Variants in SORCS1 observed in about 807,000 individuals in gnomAD.
SORCS1 encodes VPS10 domain-containing receptor SorCS1.
SORCS1 carries 60 observed loss-of-function variants against 146.1 expected under a neutral mutation model. The ratio of observed to expected loss-of-function variants is 0.41; its 90% CI spans 0.33 to 0.51. The LOEUF is 0.51. Among genes scored for constraint, SORCS1 ranks in the 20% least tolerant of loss-of-function variants. The pLI is 0.21. For synonymous variants in SORCS1, 637 were observed against 584.0 expected (o/e 1.09, Z -1.31); for missense variants, 1,352 against 1,487.6 (o/e 0.91, Z 1.50).
intron 2 of SORCS1, among the ~76,000 whole-genome samples, chr10:106,883,564 G>A (rs904120689): frequency 2.0e-5 from 3 of 151,972 alleles, no homozygotes; most frequent in Non-Finnish European, 4.4e-5. Flanking sequence ...ACAGGTGCCT[G>A]CCACCTGGCT....
chr10:106,793,099 C>CA (rs1946395186), intron 3 of SORCS1, among the ~76,000 whole-genome samples: 1 of 152,082 alleles, frequency 6.6e-6, no homozygotes, highest in African/African-American at 2.4e-5. Context: ...GATAACACCA[C>CA]AAAAATAACA....
intron 1 of SORCS1, among the ~76,000 whole-genome samples, chr10:107,073,170 G>T (rs887628980): frequency 3.9e-5 from 6 of 152,158 alleles, no homozygotes; most frequent in Non-Finnish European, 8.8e-5. Context: ...CATAGAAAAA[G>T]ATTTGGAGAG....
the SORCS1 span, among the ~76,000 whole-genome samples, chr10:107,178,746 C>T: frequency 1.3e-5 from 2 of 151,996 alleles, no homozygotes; most frequent in Admixed American, 1.3e-4. Flanking sequence ...CCATGGCCTC[C>T]CAAAGTGCTG....
chr10:107,078,874 T>G (rs1219164290), intron 1 of SORCS1, among the ~76,000 whole-genome samples: 3 of 152,240 alleles, frequency 2.0e-5, no homozygotes, highest in African/African-American at 7.2e-5. Flanking sequence ...ACATTTTATC[T>G]TACTGTATTT....
At chr10:106,706,701 C>A in intron 7 of SORCS1, 67 bp from the exon 8 acceptor site, 4 of 1,426,536 alleles carry the variant, frequency 2.8e-6, no homozygotes, top group Non-Finnish European at 4.0e-6. Context: ...ACAGAACAGT[C>A]ACCTGAATGG....
At chr10:106,659,778 T>C (rs1850584333) in intron 17 of SORCS1, among the ~76,000 whole-genome samples, 1 of 152,214 alleles carries the variant, frequency 6.6e-6, no homozygotes, top group South Asian at 2.1e-4. Context: ...AATCGCCATG[T>C]GAGAAAGCAA....
intron 1 of SORCS1, among the ~76,000 whole-genome samples, chr10:107,148,268 G>A (rs193208192): frequency 1.2e-4 from 18 of 152,254 alleles, no homozygotes; most frequent in Admixed American, 5.2e-4. Flanking sequence ...CTTGGCAAAC[G>A]TTCCTGTAAA....
chr10:106,928,392 C>T lies in SORCS1; in HGVS notation c.626+28121G>A, dbSNP rs112463237. 8.3e-3 allele frequency among the ~76,000 whole-genome samples: 1,264 copies of T among 152,334 alleles called. 25 individuals carry two copies. The highest frequency in any genetic ancestry group is 0.029 in the African/African-American group (1,201 of 41,580). On this transcript the variant is annotated intron_variant, in intron 2 of 25. Coordinates refer to ENST00000263054, the MANE Select transcript of SORCS1 (RefSeq NM_052918.5). ...AGGGGCCGGCAGGCTGCTCCGAGTGCGGGGCCGCCAAGCCCGCGCCCACCC... is the reference window on the plus strand; with the variant it reads ...AGGGGCCGGCAGGCTGCTCCGAGTGTGGGGCCGCCAAGCCCGCGCCCACCC...
chr10:106,906,141 G>A (rs1951900670), intron 2 of SORCS1, among the ~76,000 whole-genome samples: 2 of 152,182 alleles, frequency 1.3e-5, no homozygotes, highest in African/African-American at 2.4e-5. Flanking sequence ...TGTTTGTTTT[G>A]AGACACTCTG....
chr10:107,109,245 C>T (rs1421548134), intron 1 of SORCS1, among the ~76,000 whole-genome samples: 1 of 152,216 alleles, frequency 6.6e-6, no homozygotes. Context: ...CCACAGATTT[C>T]CCCTCTGTGC....
At chr10:106,884,639 A>C (rs1950927531) in intron 2 of SORCS1, among the ~76,000 whole-genome samples, 1 of 152,208 alleles carries the variant, frequency 6.6e-6, no homozygotes, top group Admixed American at 6.5e-5. Context: ...CATACCAGAC[A>C]AATTAAATTC....
At chr10:106,814,772 A>G (rs551719974) in intron 3 of SORCS1, among the ~76,000 whole-genome samples, 4 of 151,718 alleles carry the variant, frequency 2.6e-5, no homozygotes, top group South Asian at 2.1e-4. Context: ...AAAATTAGCC[A>G]GGCGTGGTGG....
At chr10:107,019,909 G>A (rs1339424321) in intron 1 of SORCS1, among the ~76,000 whole-genome samples, 3 of 152,232 alleles carry the variant, frequency 2.0e-5, no homozygotes, top group African/African-American at 7.2e-5. Flanking sequence ...GCTGCAAACA[G>A]AGTGAGTGCT....
Position 106,667,681 on chromosome 10 carries a change from A to C in SORCS1, c.2303+8T>G. On this transcript the variant is annotated splice_region_variant and intron_variant, in intron 17 of 25. Coordinates refer to ENST00000263054, the MANE Select transcript of SORCS1 (RefSeq NM_052918.5). ...TGGCCTCTCAAGGTCACTACTCCAG[A>C]CACTTACCCAGTACTATTGAGGTAA... is the stretch of plus-strand genomic sequence containing the variant. 1 of 1,609,284 alleles carries C rather than the reference A, an allele frequency of 6.2e-7. No homozygotes were observed. Among genetic ancestry groups the C allele is most frequent in the South Asian group, 1.1e-5 (1 of 90,564 alleles).
intron 1 of SORCS1, among the ~76,000 whole-genome samples, chr10:107,071,299 T>A (rs1357784742): frequency 2.0e-5 from 3 of 152,166 alleles, no homozygotes; most frequent in Non-Finnish European, 4.4e-5. Context: ...TCCATCTATA[T>A]CTCCTTTACT....
intron 3 of SORCS1, among the ~76,000 whole-genome samples, chr10:106,790,156 A>G (rs1946243376): frequency 6.6e-6 from 1 of 152,212 alleles, no homozygotes; most frequent in Non-Finnish European, 1.5e-5. Context: ...TTCATAAACA[A>G]TTGATACTGG....
chr10:106,922,755 G>A (rs1307019356), intron 2 of SORCS1, among the ~76,000 whole-genome samples: 1 of 151,502 alleles, frequency 6.6e-6, no homozygotes, highest in African/African-American at 2.4e-5. Context: ...TATTCTACAA[G>A]TCTGGACTAA....
chr10:106,706,777 C>T, intron 7 of SORCS1, 143 bp from the exon 8 acceptor site: 3 of 722,610 alleles, frequency 4.2e-6, no homozygotes, highest in Admixed American at 5.1e-5. Flanking sequence ...AAAGAATTGG[C>T]CTTCAGTTCA....
intron 5 of SORCS1, among the ~76,000 whole-genome samples, chr10:106,748,202 T>C (rs1589795927): frequency 6.6e-6 from 1 of 152,220 alleles, no homozygotes; most frequent in Non-Finnish European, 1.5e-5. Flanking sequence ...GTGGCAGCCC[T>C]TCATGCAGCA....
Sources: gnomAD v4.1 joint callset for allele counts (sites outside exome capture counted in the v4.1 genomes callset) on GRCh38, gnomAD v4.1.1 for gene constraint, MANE v1.5 for transcripts, NCBI Gene and HGNC (gene_info 2026-07-23, HGNC 2026-07-21) for gene names.